ERC2: variants seen among roughly 807,000 people sequenced by gnomAD.
The protein encoded by ERC2 is ERC protein 2.
A neutral mutation model predicts 114.8 loss-of-function variants in ERC2; 42 were observed. The ratio of observed to expected loss-of-function variants is 0.37; its 90% CI spans 0.29 to 0.47. The LOEUF is 0.47. Among genes scored for constraint, ERC2 ranks in the 20% least tolerant of loss-of-function variants. ERC2 has a pLI of 0.99. For missense variants in ERC2, 939 were observed against 1,150.7 expected (o/e 0.82, Z 2.66); for synonymous variants, 454 against 425.5 (o/e 1.07, Z -0.82).
chr3:56,372,660 G>A (rs1373403642), intron 2 of ERC2, among the ~76,000 whole-genome samples: 1 of 152,046 alleles, frequency 6.6e-6, no homozygotes, highest in Non-Finnish European at 1.5e-5. Context: ...TCCAGGAGGT[G>A]GAGGTTGCAG....
chr3:56,351,962 G>A (rs2058569545), intron 2 of ERC2, among the ~76,000 whole-genome samples: 1 of 152,150 alleles, frequency 6.6e-6, no homozygotes, highest in South Asian at 2.1e-4. Context: ...AGGGAGTAGA[G>A]GAAGGCTTCT....
chr3:56,009,762 C>G (rs2072772270), intron 9 of ERC2, among the ~76,000 whole-genome samples: 1 of 152,180 alleles, frequency 6.6e-6, no homozygotes, highest in African/African-American at 2.4e-5. Context: ...TTACAGGGAT[C>G]CCTTGAAGAA....
chr3:56,358,784 CTTG>C (rs1397562177), intron 2 of ERC2, among the ~76,000 whole-genome samples: 1 of 152,188 alleles, frequency 6.6e-6, no homozygotes, highest in Non-Finnish European at 1.5e-5. Context: ...GCCTCATGAG[CTTG>C]TTGTGAGGAT....
At chr3:55,631,556 C>T (rs1181319492) in intron 17 of ERC2, among the ~76,000 whole-genome samples, 2 of 152,214 alleles carry the variant, frequency 1.3e-5, no homozygotes, top group Non-Finnish European at 2.9e-5. Context: ...ACCATCTTTA[C>T]AGTGTACACT....
chr3:55,949,654 C>T (rs891435449), intron 13 of ERC2, among the ~76,000 whole-genome samples: 5 of 152,170 alleles, frequency 3.3e-5, no homozygotes, highest in South Asian at 4.1e-4. Flanking sequence ...CTAACTTCTC[C>T]TATCTCCAAG....
At chr3:55,888,666 G>C (rs768482419) in intron 13 of ERC2, 117 bp from the exon 14 acceptor site, 33 of 1,260,262 alleles carry the variant, frequency 2.6e-5, no homozygotes, top group Non-Finnish European at 3.2e-5. Flanking sequence ...CTTGAACTGG[G>C]CCGCTGTGTC....
chr3:56,105,177 G>A (rs1439644076), intron 6 of ERC2, among the ~76,000 whole-genome samples: 1 of 152,126 alleles, frequency 6.6e-6, no homozygotes, highest in Non-Finnish European at 1.5e-5. Context: ...GAGTGAGTGA[G>A]GAGACAATGG....
chr3:55,669,055 G>A (rs537252279), intron 17 of ERC2, among the ~76,000 whole-genome samples: 1 of 152,182 alleles, frequency 6.6e-6, no homozygotes, highest in Non-Finnish European at 1.5e-5. Context: ...AGGAGCACAA[G>A]AGCTTAGTTT....
At chr3:55,809,687 T>A (rs1037206973) in intron 14 of ERC2, among the ~76,000 whole-genome samples, 3 of 152,176 alleles carry the variant, frequency 2.0e-5, no homozygotes, top group Non-Finnish European at 4.4e-5. Flanking sequence ...CATTTGTCTA[T>A]CAACACAACC....
At chr3:56,343,032 A>G (rs2058151806) in intron 2 of ERC2, among the ~76,000 whole-genome samples, 1 of 152,128 alleles carries the variant, frequency 6.6e-6, no homozygotes, top group South Asian at 2.1e-4. Flanking sequence ...TCTTCATCAC[A>G]TCTAAAGACT....
At chr3:56,140,311 C>A (rs2080777911) in intron 5 of ERC2, among the ~76,000 whole-genome samples, 2 of 152,130 alleles carry the variant, frequency 1.3e-5, no homozygotes, top group South Asian at 4.1e-4. Context: ...ATAATTACCA[C>A]CCCAAATTTT....
chr3:55,655,209 C>T (rs2060803215), intron 17 of ERC2, among the ~76,000 whole-genome samples: 1 of 151,180 alleles, frequency 6.6e-6, no homozygotes, highest in Non-Finnish European at 1.5e-5. Context: ...GGTGGCTTGA[C>T]AACTCCCCCT....
chr3:55,769,385 G>GC (rs1227376168), intron 14 of ERC2, among the ~76,000 whole-genome samples: 1 of 151,884 alleles, frequency 6.6e-6, no homozygotes, highest in Non-Finnish European at 1.5e-5. Context: ...TTCAGGGATG[G>GC]CCTCTTTTCC....
At chr3:55,889,763 G>C (rs1363203722) in intron 13 of ERC2, among the ~76,000 whole-genome samples, 1 of 152,124 alleles carries the variant, frequency 6.6e-6, no homozygotes, top group East Asian at 1.9e-4. Context: ...AGCTGAACTT[G>C]GCAGAATAGG....
chr3:55,612,667 A>C (rs1435329730), intron 17 of ERC2: 1 of 152,248 alleles, frequency 6.6e-6, no homozygotes, highest in Admixed American at 6.5e-5. Context: ...GTTGGCATAA[A>C]GCAATCCCTT....
intron 6 of ERC2, among the ~76,000 whole-genome samples, chr3:56,090,556 G>C (rs1322029816): frequency 6.6e-6 from 1 of 151,998 alleles, no homozygotes; most frequent in East Asian, 1.9e-4. Context: ...TAGCATAAGA[G>C]TGGAGTAAAA....
intron 17 of ERC2, among the ~76,000 whole-genome samples, chr3:55,587,139 T>A (rs1440010274): frequency 6.6e-6 from 1 of 151,902 alleles, no homozygotes; most frequent in African/African-American, 2.4e-5. Context: ...TTCCCCTTCC[T>A]CTCCTTCCTT....
At position 56,139,426 on chromosome 3, in the gene ERC2, T is replaced by A. The variant is rs1293513480; in HGVS notation, c.1473+83A>T. On this transcript the variant is annotated intron_variant, in intron 6 of 17. Coordinates refer to ENST00000288221, the MANE Select transcript of ERC2 (RefSeq NM_015576.3). ...TGGCCCCAAGGGTTAGGATAAAGGGTCTTTGGAGGAAAGTTGTTCAGGTAG... is the reference window on the plus strand; with the variant it reads ...TGGCCCCAAGGGTTAGGATAAAGGGACTTTGGAGGAAAGTTGTTCAGGTAG... The A allele has an allele frequency of 8.0e-6, 11 of 1,373,758 alleles. No individual in the cohort carries two copies. The South Asian group carries it at 8.3e-5, about 10-fold the overall frequency. 85.1% of individuals were successfully genotyped at this position (1,373,758 alleles called of 1,614,324 possible). A position where few individuals can be genotyped will look rare whatever the true frequency, so the allele number is the denominator to read the frequency against.
Position 56,378,963 on chromosome 3 carries a change from A to G in ERC2, c.657+55388T>C, listed in dbSNP as rs56125144. ...TTTCTAGTAGCCACATTTTAAAAAT[A>G]TAAAAACAAATAGGTGAAATCCATT... is the stretch of plus-strand genomic sequence containing the variant. On this transcript the variant is annotated intron_variant, in intron 2 of 17. Transcript: ENST00000288221. Among the ~76,000 whole-genome samples the G allele has an allele frequency of 9.1e-3, 1,385 of 152,364 alleles. 6 individuals carry two copies. Among genetic ancestry groups the G allele is most frequent in the Non-Finnish European group, 0.015 (1,024 of 68,034 alleles).
Sources: gnomAD v4.1 joint callset for allele counts (sites outside exome capture counted in the v4.1 genomes callset) on GRCh38, gnomAD v4.1.1 for gene constraint, MANE v1.5 for transcripts, NCBI Gene and HGNC (gene_info 2026-07-23, HGNC 2026-07-21) for gene names.